SIPA1L1: variants seen among roughly 807,000 people sequenced by gnomAD.
SIPA1L1 encodes signal induced proliferation associated 1 like 1.
A neutral mutation model predicts 162.7 loss-of-function variants in SIPA1L1; 26 were observed. The ratio of observed to expected loss-of-function variants is 0.16; its 90% confidence interval spans 0.12 to 0.22. The LOEUF (loss-of-function observed/expected upper bound fraction) is 0.22. Among genes scored for constraint, SIPA1L1 ranks in the 10% least tolerant of loss-of-function variants. SIPA1L1 has a pLI of 1.00. For synonymous variants in SIPA1L1, 829 were observed against 837.4 expected, an observed-to-expected ratio of 0.99 and a Z score of 0.17; for missense variants, 1,874 against 2,241.0, an observed-to-expected ratio of 0.84 and a Z score of 3.31.
chr14:71,694,542 A>T (rs189413186), intron 13 of SIPA1L1, among the ~76,000 whole-genome samples: 3 of 152,136 alleles, frequency 2.0e-5, no homozygotes, highest in African/African-American at 7.2e-5. Context: ...GCCCCAGAGG[A>T]TGTTTAGTAT....
intron 2 of SIPA1L1, among the ~76,000 whole-genome samples, chr14:71,333,290 G>A (rs914008754): frequency 1.3e-5 from 2 of 152,160 alleles, no homozygotes; most frequent in Non-Finnish European, 2.9e-5. Context: ...GTAACATCAT[G>A]TCACTGAATG....
intron 7 of SIPA1L1, among the ~76,000 whole-genome samples, chr14:71,634,003 C>T (rs1412715578): frequency 2.0e-5 from 3 of 151,622 alleles, no homozygotes; most frequent in Admixed American, 6.6e-5. Flanking sequence ...CAGTATAAAT[C>T]CAAAGAAGTC....
intron 22 of SIPA1L1, among the ~76,000 whole-genome samples, chr14:71,736,273 T>C (rs2085281541): frequency 6.6e-6 from 1 of 152,168 alleles, no homozygotes; most frequent in African/African-American, 2.4e-5. Flanking sequence ...GGTGCACACC[T>C]GTAGTCCTAG....
intron 4 of SIPA1L1, among the ~76,000 whole-genome samples, chr14:71,530,535 G>A (rs556456073): frequency 3.3e-5 from 5 of 152,178 alleles, no homozygotes; most frequent in African/African-American, 7.2e-5. Flanking sequence ...TGAAAAATTA[G>A]TAGGAATATT....
intron 12 of SIPA1L1, among the ~76,000 whole-genome samples, 156 bp downstream of exon 12, chr14:71,672,778 G>A (rs955199689): frequency 6.6e-6 from 1 of 152,174 alleles, no homozygotes; most frequent in African/African-American, 2.4e-5. Flanking sequence ...GACTCAGGAC[G>A]AAGCTCCCTT....
intron 2 of SIPA1L1, among the ~76,000 whole-genome samples, chr14:71,364,839 G>A (rs947762864): frequency 6.6e-6 from 1 of 151,730 alleles, no homozygotes; most frequent in African/African-American, 2.4e-5. Flanking sequence ...TCTGCCTCCT[G>A]GGCTCAAGCG....
intron 4 of SIPA1L1, chr14:71,574,681 T>G (rs1303264311): frequency 7.0e-6 from 1 of 141,880 alleles, no homozygotes; most frequent in Non-Finnish European, 1.5e-5. Context: ...TTTATTTTAC[T>G]TTGTCACAAA....
At chr14:71,646,231 C>T (rs946132727) in intron 7 of SIPA1L1, among the ~76,000 whole-genome samples, 1 of 149,362 alleles carries the variant, frequency 6.7e-6, no homozygotes, top group African/African-American at 2.5e-5. Flanking sequence ...GGCTGGAGTG[C>T]AGTGGCGCTA....
At position 71,494,716 on chromosome 14, in the gene SIPA1L1, T is replaced by C. The variant is rs889908463; in HGVS notation, c.-464-18027T>C. ...TAATTTTTAAAATTTTTTGTAGAGA[T>C]GGGACCTTACTATATTGCCCAGGCT... is the stretch of plus-strand genomic sequence containing the variant. On this transcript the variant is annotated intron_variant, in intron 2 of 23. Coordinates refer to ENST00000381232, the MANE Select transcript of SIPA1L1 (RefSeq NM_001386936.1). 9.2e-5 allele frequency among the ~76,000 whole-genome samples: 14 copies of C among 152,124 alleles called. No individual in the cohort carries two copies. The East Asian group carries it at 2.7e-3, about 29-fold the overall frequency.
chr14:71,356,330 A>G (rs1359341044), intron 2 of SIPA1L1, among the ~76,000 whole-genome samples: 1 of 152,058 alleles, frequency 6.6e-6, no homozygotes, highest in African/African-American at 2.4e-5. Flanking sequence ...TACTTATTAC[A>G]GTATCAATTT....
rs201972629 is a variant in SIPA1L1 at position 71,542,695 on chromosome 14, TCTC to T, written c.-303+13333_-303+13335del. ...CTCCTCCTCCTCCTTCCTTCTCCCT[TCTC>T]CTCCTCCCTCCTCCTCCTCCTCCTC... On this transcript the variant is annotated intron_variant, in intron 4 of 23. Coordinates refer to ENST00000381232, the MANE Select transcript of SIPA1L1 (RefSeq NM_001386936.1). Among the ~76,000 whole-genome samples, 329 of 76,858 alleles carry T rather than the reference TCTC, an allele frequency of 4.3e-3. 2 individuals carry two copies. Among genetic ancestry groups the T allele is most frequent in the African/African-American group, 0.017 (312 of 18,486 alleles). 50.4% of individuals were successfully genotyped at this position (76,858 alleles called of 152,430 possible).
At chr14:71,630,885 A>G (rs1159649199) in intron 7 of SIPA1L1, among the ~76,000 whole-genome samples, 1 of 151,464 alleles carries the variant, frequency 6.6e-6, no homozygotes, top group Non-Finnish European at 1.5e-5. Flanking sequence ...ATATACATAT[A>G]TATATACTTT....
At chr14:71,681,727 C>G (rs1395421864) in intron 12 of SIPA1L1, among the ~76,000 whole-genome samples, 2 of 152,190 alleles carry the variant, frequency 1.3e-5, no homozygotes, top group African/African-American at 4.8e-5. Context: ...ACTTTTCTGA[C>G]TCGTGAGTCC....
intron 2 of SIPA1L1, among the ~76,000 whole-genome samples, chr14:71,348,134 G>A (rs2036346620): frequency 6.6e-6 from 1 of 152,134 alleles, no homozygotes; most frequent in South Asian, 2.1e-4. Flanking sequence ...TCCACATCAA[G>A]TATGCAAACT....
chr14:71,542,704 CCCT>C (rs147003051), intron 4 of SIPA1L1, among the ~76,000 whole-genome samples: 9,048 of 105,728 alleles, frequency 0.086, 590 homozygotes, highest in African/African-American at 0.15. Flanking sequence ...TTCTCCTCCT[CCCT>C]CCTCCTCCTC....
intron 7 of SIPA1L1, among the ~76,000 whole-genome samples, chr14:71,640,498 T>C (rs1342961814): frequency 6.6e-6 from 1 of 152,194 alleles, no homozygotes; most frequent in African/African-American, 2.4e-5. Flanking sequence ...GATAAAAAGT[T>C]AGGAGACAGA....
intron 17 of SIPA1L1, among the ~76,000 whole-genome samples, chr14:71,723,397 G>A (rs1256330757): frequency 1.3e-5 from 2 of 152,212 alleles, no homozygotes; most frequent in African/African-American, 4.8e-5. Context: ...AAAGTTGAAA[G>A]TGTCCCTGAC....
chr14:71,377,176 T>G lies in SIPA1L1; in HGVS notation c.-465+55995T>G, dbSNP rs577665844. Reference sequence around the variant, plus strand: ...GCAGAGGCAGCCCCCACCTCCCAGATGGGGCGGCGGCCGGGTGGGGGCGCC... The same window carrying G: ...GCAGAGGCAGCCCCCACCTCCCAGAGGGGGCGGCGGCCGGGTGGGGGCGCC... On this transcript the variant is annotated intron_variant, in intron 2 of 23. Coordinates refer to ENST00000381232, the MANE Select transcript of SIPA1L1 (RefSeq NM_001386936.1). The surrounding 1 kb of genome is among the most constrained non-coding windows in gnomAD (Gnocchi z 4.8). 0.013 allele frequency among the ~76,000 whole-genome samples: 1,796 copies of G among 135,974 alleles called. 33 individuals are homozygous for G. Among genetic ancestry groups the G allele is most frequent in the African/African-American group, 0.046 (1,675 of 36,582 alleles). 89.2% of individuals were successfully genotyped at this position (135,974 alleles called of 152,430 possible). A position where few individuals can be genotyped will look rare whatever the true frequency, so the allele number is the denominator to read the frequency against.
Position 71,377,198 on chromosome 14 carries a change from C to T in SIPA1L1, c.-465+56017C>T, listed in dbSNP as rs1213974533. On this transcript the variant is annotated intron_variant, in intron 2 of 23. Transcript: ENST00000381232. The surrounding 1 kb of genome is among the most constrained non-coding windows in gnomAD (Gnocchi z 4.8). ...AGATGGGGCGGCGGCCGGGTGGGGGCGCCCCCCCACCTCCCAGATGGGGTG... is the reference window on the plus strand; with the variant it reads ...AGATGGGGCGGCGGCCGGGTGGGGGTGCCCCCCCACCTCCCAGATGGGGTG... Among the ~76,000 whole-genome samples the T allele has an allele frequency of 5.4e-5, 8 of 147,348 alleles. No homozygotes were observed. Among genetic ancestry groups the T allele is most frequent in the African/African-American group, 7.6e-5 (3 of 39,690 alleles).
Sources: allele counts gnomAD v4.1 joint callset (sites outside exome capture counted in the v4.1 genomes callset), GRCh38; gene constraint gnomAD v4.1.1; non-coding constraint Gnocchi (gnomAD v3.1); transcripts MANE v1.5; gene names NCBI Gene and HGNC (gene_info 2026-07-23, HGNC 2026-07-21).